Variants in FOCAD observed in about 807,000 individuals in gnomAD.
FOCAD encodes the protein KIAA1797.
Under a neutral mutation model 225.6 loss-of-function variants are expected in FOCAD, and 198 were observed. The observed-to-expected ratio is 0.88, with a 90% CI of 0.78 to 0.99. The LOEUF (loss-of-function observed/expected upper bound fraction) is 0.99. Among genes scored for constraint, FOCAD ranks in the 50% least tolerant of loss-of-function variants. FOCAD has a pLI of 0.00. For synonymous variants in FOCAD, 897 were observed against 755.0 expected (o/e 1.19, Z -3.08); for missense variants, 2,713 against 2,123.6 (o/e 1.28, Z -5.46).
chr9:20,687,497 A>G (rs1178608265), intron 1 of FOCAD, among the ~76,000 whole-genome samples: 1 of 152,152 alleles, frequency 6.6e-6, no homozygotes, highest in Non-Finnish European at 1.5e-5. Context: ...ACCTGCTTTC[A>G]TAATTTATTC....
At chr9:20,949,420 A>G (rs1303155694) in intron 32 of FOCAD, among the ~76,000 whole-genome samples, 184 bp from the exon 33 acceptor site, 1 of 152,288 alleles carries the variant, frequency 6.6e-6, no homozygotes, top group East Asian at 1.9e-4. Context: ...GTACCAGGAA[A>G]TCAATGATAG....
intron 4 of FOCAD, among the ~76,000 whole-genome samples, chr9:20,738,361 T>C (rs1283749224): frequency 6.6e-6 from 1 of 152,248 alleles, no homozygotes; most frequent in Admixed American, 6.5e-5. Context: ...TACAGTGAGA[T>C]TCACTGGCCA....
intron 2 of FOCAD, among the ~76,000 whole-genome samples, chr9:20,671,923 T>C (rs889530367): frequency 3.3e-5 from 5 of 152,144 alleles, no homozygotes; most frequent in African/African-American, 1.2e-4. Context: ...ATCAGGTTCA[T>C]AGTTTGAATT....
intron 8 of FOCAD, among the ~76,000 whole-genome samples, chr9:20,778,243 C>T (rs1473962558): frequency 6.6e-6 from 1 of 151,906 alleles, no homozygotes; most frequent in Admixed American, 6.6e-5. Context: ...GTGGCATTGA[C>T]TAATTCTTTC....
chr9:20,810,222 G>A (rs531043543), intron 11 of FOCAD, among the ~76,000 whole-genome samples: 1 of 152,180 alleles, frequency 6.6e-6, no homozygotes, highest in African/African-American at 2.4e-5. Flanking sequence ...AACATGTATG[G>A]GTTCTTTGGG....
rs77882913 is a variant in FOCAD at position 20,827,319 on chromosome 9, G to C, written c.1920+4204G>C. Among the ~76,000 whole-genome samples, 1,397 of 152,090 alleles carry C rather than the reference G, an allele frequency of 9.2e-3. 25 individuals carry two copies. Among genetic ancestry groups the C allele is most frequent in the East Asian group, 0.043 (223 of 5,158 alleles). On this transcript the variant is annotated intron_variant, in intron 15 of 43. Transcript: ENST00000338382. ...TCATATGATGTGTTGTCTTTTGTAAGTAGCTTCTTTCACTCAACATATTTT... is the reference window on the plus strand; with the variant it reads ...TCATATGATGTGTTGTCTTTTGTAACTAGCTTCTTTCACTCAACATATTTT...
chr9:20,848,007 A>G (rs1310214997), intron 15 of FOCAD, among the ~76,000 whole-genome samples: 1 of 152,058 alleles, frequency 6.6e-6, no homozygotes, highest in African/African-American at 2.4e-5. Flanking sequence ...GGAAAGTCAG[A>G]AATTATGGGG....
At chr9:20,827,284 A>C (rs1040969133) in intron 15 of FOCAD, among the ~76,000 whole-genome samples, 4 of 152,090 alleles carry the variant, frequency 2.6e-5, no homozygotes, top group Admixed American at 2.6e-4. Flanking sequence ...GACATTTCTT[A>C]TAAACAAAAT....
At chr9:20,804,656 A>C (rs533611741) in intron 11 of FOCAD, among the ~76,000 whole-genome samples, 1 of 152,134 alleles carries the variant, frequency 6.6e-6, no homozygotes, top group Admixed American at 6.6e-5. Context: ...CTTCAGGGGG[A>C]AAAATTAAAT....
intron 15 of FOCAD, among the ~76,000 whole-genome samples, chr9:20,835,987 A>G (rs972779962): frequency 6.6e-6 from 1 of 152,062 alleles, no homozygotes; most frequent in Non-Finnish European, 1.5e-5. Context: ...TTCCCCGGAA[A>G]TACCCTGTGC....
At chr9:20,792,342 A>G (rs762806684) in intron 11 of FOCAD, among the ~76,000 whole-genome samples, 4 of 152,220 alleles carry the variant, frequency 2.6e-5, no homozygotes, top group Non-Finnish European at 4.4e-5. Flanking sequence ...CTTCAATGGA[A>G]TAACTCTAAA....
chr9:20,986,946 C>T (rs1841223299), intron 40 of FOCAD, among the ~76,000 whole-genome samples: 1 of 152,160 alleles, frequency 6.6e-6, no homozygotes, highest in African/African-American at 2.4e-5. Context: ...TGAAGCTCTG[C>T]TAATGAATCA....
In FOCAD at chr9:20,988,423, T is replaced by TTA. The variant is rs761131087; in HGVS notation, c.4998_4999insTA (p.Asp1667Ter). The TTA allele has an allele frequency of 6.3e-6, 10 of 1,584,368 alleles. No individual in the cohort carries two copies. The highest frequency in any genetic ancestry group is 8.7e-6 in the Non-Finnish European group (10 of 1,155,014). On this transcript the variant is annotated frameshift_variant, in exon 41 of 44. Transcript: ENST00000338382. LOFTEE classifies it high-confidence loss of function. The stretch of plus-strand genomic sequence containing the variant: ...CAACATCCTTTCACAATACGGCTCT[T>TTA]GACAAGGTAAAATCTAGAGGAGTAG...
intron 4 of FOCAD, among the ~76,000 whole-genome samples, chr9:20,729,080 A>G (rs1435404624): frequency 6.6e-6 from 1 of 152,194 alleles, no homozygotes; most frequent in Non-Finnish European, 1.5e-5. Flanking sequence ...CTGGAGCTGG[A>G]TCAGTCAGCT....
intron 2 of FOCAD, among the ~76,000 whole-genome samples, chr9:20,676,947 A>G (rs1486756698): frequency 6.6e-6 from 1 of 152,248 alleles, no homozygotes; most frequent in African/African-American, 2.4e-5. Context: ...CTTGAACAAG[A>G]AGAACAAAGC....
chr9:20,958,577 GT>G (rs1838413478), intron 35 of FOCAD, among the ~76,000 whole-genome samples: 1 of 152,046 alleles, frequency 6.6e-6, no homozygotes, highest in Non-Finnish European at 1.5e-5. Flanking sequence ...TTGAAACTAT[GT>G]ATTATTGATA....
rs765146491 is a variant in FOCAD at position 20,715,315 on chromosome 9, G to C, written c.-32-7G>C. 38 of 1,408,880 alleles carry C rather than the reference G, an allele frequency of 2.7e-5. No individual in the cohort carries two copies. The highest frequency in any genetic ancestry group is 3.5e-5 in the Non-Finnish European group (37 of 1,051,814). 87.3% of individuals were successfully genotyped at this position (1,408,880 alleles called of 1,614,324 possible). ...GACTAACAAATATTCTTTTGTTTTG[G>C]TTACAGAAGCTGCACACATACATGT... On this transcript the variant is annotated splice_region_variant and splice_polypyrimidine_tract_variant and intron_variant, in intron 1 of 43. Transcript: ENST00000338382.
chr9:20,969,061 A>G (rs1839528841), intron 35 of FOCAD, among the ~76,000 whole-genome samples: 1 of 151,600 alleles, frequency 6.6e-6, no homozygotes, highest in Admixed American at 6.6e-5. Flanking sequence ...TTTACTTTCC[A>G]TTTATTAGTG....
intron 15 of FOCAD, among the ~76,000 whole-genome samples, chr9:20,823,595 A>G (rs1454414963): frequency 1.3e-5 from 2 of 152,054 alleles, no homozygotes; most frequent in Non-Finnish European, 2.9e-5. Context: ...TCATTTTCTG[A>G]ACTTCAGACT....
Sources: allele counts gnomAD v4.1 joint callset (sites outside exome capture counted in the v4.1 genomes callset), GRCh38; gene constraint gnomAD v4.1.1; transcripts MANE v1.5; gene names NCBI Gene and HGNC (gene_info 2026-07-23, HGNC 2026-07-21).